MTHFD2L: variants seen among roughly 807,000 people sequenced by gnomAD.
MTHFD2L encodes the protein bifunctional methylenetetrahydrofolate dehydrogenase/cyclohydrolase 2, mitochondrial.
MTHFD2L carries 29 observed loss-of-function variants against 34.9 expected under a neutral mutation model. That is an observed-to-expected ratio of 0.83 (90% CI 0.62 to 1.13). The LOEUF is 1.13. Among genes scored for constraint, MTHFD2L ranks in the 50% most tolerant of loss-of-function variants. The pLI is 0.00. For synonymous variants in MTHFD2L, 167 were observed against 155.7 expected, an observed-to-expected ratio of 1.07 and a Z score of -0.54; for missense variants, 481 against 446.5, an observed-to-expected ratio of 1.08 and a Z score of -0.70.
At chr4:74,124,751 A>G (rs996141658), upstream of MTHFD2L, among the ~76,000 whole-genome samples, 1 of 152,116 alleles carries the variant, frequency 6.6e-6, no homozygotes, top group African/African-American at 2.4e-5. Context: ...GTACAGTACC[A>G]CAATGCCAGT....
chr4:74,161,254 G>A (rs1277946269), intron 1 of MTHFD2L: 1 of 152,144 alleles, frequency 6.6e-6, no homozygotes, highest in East Asian at 1.9e-4. Context: ...GGGTAGTTAA[G>A]TTTAATAATT....
chr4:74,174,450 G>T lies in MTHFD2L; in HGVS notation c.144-56G>T, dbSNP rs1006655313. On this transcript the variant is annotated intron_variant, in intron 1 of 7. Coordinates refer to ENST00000325278, the MANE Select transcript of MTHFD2L (RefSeq NM_001144978.3). ...TTATTGAGTTTTGTACCTTAAATTT[G>T]TGCAGTTGAGTGTTTCTTATTTTCT... The T allele has an allele frequency of 3.2e-6, 4 of 1,240,480 alleles. No individual in the cohort carries two copies. The African/African-American group carries it at 6.2e-5, about 19-fold the overall frequency. The allele number at this position is 1,240,480 out of a possible 1,614,324, so 76.8% of individuals were successfully genotyped here.
chr4:74,200,584 C>T (rs955420656), intron 4 of MTHFD2L, among the ~76,000 whole-genome samples: 1 of 152,040 alleles, frequency 6.6e-6, no homozygotes, highest in African/African-American at 2.4e-5. Flanking sequence ...AACATTTACC[C>T]TTGTACTGTA....
In MTHFD2L at chr4:74,290,640, C is replaced by CTGTG. The variant is rs147970923; in HGVS notation, c.931+9108_931+9111dup. On this transcript the variant is annotated intron_variant, in intron 7 of 7. Coordinates refer to ENST00000325278, the MANE Select transcript of MTHFD2L (RefSeq NM_001144978.3). ...GCCAAGCATAATGCCTGGTGAAAGA[C>CTGTG]TGTGTGTGTGTGTGTGTGTGTACGC... 3.7e-3 allele frequency among the ~76,000 whole-genome samples: 548 copies of CTGTG among 149,308 alleles called. 7 individuals carry two copies. Among genetic ancestry groups the CTGTG allele is most frequent in the African/African-American group, 0.012 (498 of 40,910 alleles).
chr4:74,117,181 G>A (rs1203817414), intron 2 of MTHFD2L, among the ~76,000 whole-genome samples: 2 of 152,228 alleles, frequency 1.3e-5, no homozygotes, highest in African/African-American at 2.4e-5. Context: ...AAATGACATT[G>A]TCTAGGAAAC....
At chr4:74,280,636 T>A (rs1007781385) in intron 6 of MTHFD2L, among the ~76,000 whole-genome samples, 4 of 151,590 alleles carry the variant, frequency 2.6e-5, no homozygotes, top group African/African-American at 9.8e-5. Flanking sequence ...CAATGTTTTT[T>A]TTTTTTAAAA....
chr4:74,157,608 G>T (rs1218131742), upstream of MTHFD2L: 1 of 454,878 alleles, frequency 2.2e-6, no homozygotes, highest in Non-Finnish European at 4.4e-6. Context: ...GACCTTCCTT[G>T]TTCAGCCAGG....
At chr4:74,134,013 T>C (rs903062015) in intron 1 of MTHFD2L, among the ~76,000 whole-genome samples, 4 of 152,262 alleles carry the variant, frequency 2.6e-5, no homozygotes, top group Admixed American at 6.5e-5. Flanking sequence ...CTTCCCTGCA[T>C]TACACCAGGC....
At chr4:74,149,479 C>T (rs921265248) in intron 1 of MTHFD2L, among the ~76,000 whole-genome samples, 1 of 146,862 alleles carries the variant, frequency 6.8e-6, no homozygotes, top group Non-Finnish European at 1.6e-5. Context: ...AGGGAAAAAG[C>T]AAGTGCTTGA....
At chr4:74,266,468 C>G (rs920444331) in intron 6 of MTHFD2L, among the ~76,000 whole-genome samples, 2 of 152,126 alleles carry the variant, frequency 1.3e-5, no homozygotes, top group African/African-American at 4.8e-5. Flanking sequence ...GACCATACCA[C>G]CTTTCCAACC....
intron 6 of MTHFD2L, among the ~76,000 whole-genome samples, chr4:74,273,016 T>C (rs1403477060): frequency 6.6e-6 from 1 of 152,186 alleles, no homozygotes; most frequent in African/African-American, 2.4e-5. Context: ...TGATTTCTTA[T>C]GCAATTAGGA....
rs554406771 is a variant in MTHFD2L, at chr4:74,130,530, T to C, written c.-297+5013T>C. Among the ~76,000 whole-genome samples the C allele has an allele frequency of 1.6e-4, 25 of 152,274 alleles. No homozygotes were observed. The East Asian group carries it at 4.8e-3, about 29-fold the overall frequency. On this transcript the variant is annotated intron_variant, in intron 1 of 7. Coordinates refer to the MTHFD2L transcript ENST00000433372. ...GATGCAGAAAAGGCCTTCAATAAAA[T>C]TCTGCACCCTTCCTGCTAAAAACTC... is the stretch of plus-strand genomic sequence containing the variant.
At chr4:74,116,699 A>C (rs1438861443) in intron 2 of MTHFD2L, among the ~76,000 whole-genome samples, 1 of 152,230 alleles carries the variant, frequency 6.6e-6, no homozygotes, top group Non-Finnish European at 1.5e-5. Flanking sequence ...CTGTGACCCT[A>C]GTGACTAGTA....
chr4:74,237,677 G>A (rs1434625304), intron 6 of MTHFD2L, among the ~76,000 whole-genome samples: 3 of 152,158 alleles, frequency 2.0e-5, no homozygotes, highest in African/African-American at 7.2e-5. Context: ...TAGAAGGTAA[G>A]GAAGCTCTTC....
intron 1 of MTHFD2L, among the ~76,000 whole-genome samples, chr4:74,150,515 A>G (rs1291627040): frequency 1.3e-5 from 2 of 152,192 alleles, no homozygotes; most frequent in African/African-American, 2.4e-5. Context: ...AGGCTTCCCA[A>G]AGTCCTGGGA....
At chr4:74,239,572 C>T (rs1278818629) in intron 6 of MTHFD2L, among the ~76,000 whole-genome samples, 2 of 151,444 alleles carry the variant, frequency 1.3e-5, no homozygotes, top group East Asian at 3.9e-4. Context: ...CATAATTGCT[C>T]ATTTTAAAAA....
chr4:74,129,011 T>A (rs1249435071), intron 1 of MTHFD2L, among the ~76,000 whole-genome samples: 2 of 152,122 alleles, frequency 1.3e-5, no homozygotes, highest in African/African-American at 2.4e-5. Context: ...TTAAGTGATT[T>A]TCTCTGACAG....
intron 5 of MTHFD2L, among the ~76,000 whole-genome samples, chr4:74,212,276 T>A (rs929529473): frequency 6.6e-6 from 1 of 152,168 alleles, no homozygotes; most frequent in Admixed American, 6.5e-5. Context: ...GTTATTTTAA[T>A]TGTGATGTTA....
chr4:74,173,596 T>G (rs945172778), intron 1 of MTHFD2L, among the ~76,000 whole-genome samples: 1 of 152,180 alleles, frequency 6.6e-6, no homozygotes, highest in African/African-American at 2.4e-5. Context: ...CTTCAGAGTC[T>G]TGTGCTGGAT....
Sources: allele counts gnomAD v4.1 joint callset (sites outside exome capture counted in the v4.1 genomes callset), GRCh38; gene constraint gnomAD v4.1.1; transcripts MANE v1.5; gene names NCBI Gene and HGNC (gene_info 2026-07-23, HGNC 2026-07-21).